Variants in ARHGAP44 observed in about 807,000 individuals in gnomAD.
ARHGAP44 encodes Rho GTPase activating protein 44.
Under a neutral mutation model 106.8 loss-of-function variants are expected in ARHGAP44, and 43 were observed. That is an observed-to-expected ratio of 0.40 (90% CI 0.32 to 0.52). The LOEUF (loss-of-function observed/expected upper bound fraction) is 0.52. ARHGAP44 is among the 20% of genes least tolerant of loss of function. The pLI is 0.48. For synonymous variants in ARHGAP44, 439 were observed against 410.3 expected (o/e 1.07, Z -0.85); for missense variants, 866 against 1,050.5 (o/e 0.82, Z 2.43).
chr17:12,847,192 C>T (rs1009245392), intron 1 of ARHGAP44, among the ~76,000 whole-genome samples: 1 of 152,104 alleles, frequency 6.6e-6, no homozygotes, highest in Non-Finnish European at 1.5e-5. Flanking sequence ...TTTTGCGTTG[C>T]TGATTGGGCC....
intron 4 of ARHGAP44, among the ~76,000 whole-genome samples, chr17:12,912,990 G>C (rs2037786050): frequency 6.6e-6 from 1 of 152,198 alleles, no homozygotes; most frequent in African/African-American, 2.4e-5. Flanking sequence ...ATACAAGACA[G>C]AGGAAGAGAA....
At chr17:12,907,823 A>G (rs937321211) in intron 3 of ARHGAP44, among the ~76,000 whole-genome samples, 3 of 152,146 alleles carry the variant, frequency 2.0e-5, no homozygotes, top group African/African-American at 7.2e-5. Context: ...TACTTTGGAT[A>G]TATACCCAGG....
intron 1 of ARHGAP44, among the ~76,000 whole-genome samples, chr17:12,885,327 GT>G (rs2036851098): frequency 3.0e-5 from 3 of 100,470 alleles, no homozygotes; most frequent in African/African-American, 2.5e-4. Context: ...CAGAGTAGGT[GT>G]GTGTGTGTGT....
intron 1 of ARHGAP44, among the ~76,000 whole-genome samples, chr17:12,848,862 C>T (rs1159183691): frequency 6.6e-6 from 1 of 152,040 alleles, no homozygotes; most frequent in Admixed American, 6.6e-5. Flanking sequence ...GCCTGACCAA[C>T]ATGGAGAAAC....
chr17:12,925,607 C>G (rs938589991), intron 6 of ARHGAP44, among the ~76,000 whole-genome samples: 1 of 152,212 alleles, frequency 6.6e-6, no homozygotes, highest in Non-Finnish European at 1.5e-5. Context: ...TCTCATCTCT[C>G]CCAAGGCTTC....
intron 20 of ARHGAP44, chr17:12,987,038 TGTG>T: frequency 8.4e-7 from 1 of 1,191,244 alleles, no homozygotes; most frequent in South Asian, 1.7e-5. Flanking sequence ...TTTTTTTTTT[TGTG>T]ACGTTCATGT....
At chr17:12,836,515 G>A (rs1461275859) in intron 1 of ARHGAP44, among the ~76,000 whole-genome samples, 3 of 152,038 alleles carry the variant, frequency 2.0e-5, no homozygotes, top group Non-Finnish European at 2.9e-5. Flanking sequence ...GGGCATGGTG[G>A]CACATGCCTG....
intron 19 of ARHGAP44, among the ~76,000 whole-genome samples, chr17:12,983,830 A>T (rs2039891815): frequency 6.6e-6 from 1 of 152,080 alleles, no homozygotes; most frequent in South Asian, 2.1e-4. Flanking sequence ...CAACAAAAAA[A>T]CCCCAGAAAA....
chr17:12,881,726 C>G (rs1336026047), intron 1 of ARHGAP44, among the ~76,000 whole-genome samples: 1 of 152,148 alleles, frequency 6.6e-6, no homozygotes, highest in Non-Finnish European at 1.5e-5. Flanking sequence ...GACAGGATCT[C>G]TCTGTTGCCC....
At chr17:12,984,962 C>T (rs1284902943) in intron 20 of ARHGAP44, 54 bp downstream of exon 20, 10 of 1,541,710 alleles carry the variant, frequency 6.5e-6, no homozygotes, top group Non-Finnish European at 8.7e-6. Flanking sequence ...GTGAAATGTG[C>T]CTAGGGGAGG....
chr17:12,913,059 A>G (rs1408255999), intron 4 of ARHGAP44, among the ~76,000 whole-genome samples: 3 of 152,210 alleles, frequency 2.0e-5, no homozygotes, highest in African/African-American at 7.2e-5. Context: ...GGATACAGGA[A>G]AACTCAATCC....
rs58315621 is a variant in ARHGAP44, at chr17:12,990,930, G to A, written c.*759G>A. The A allele has an allele frequency of 2.6e-5, 4 of 152,528 alleles. No individual in the cohort carries two copies. Among genetic ancestry groups the A allele is most frequent in the Admixed American group, 6.5e-5 (1 of 15,278 alleles). The allele number at this position is 152,528 out of a possible 1,614,324, so 9.4% of individuals were successfully genotyped here. A position where few individuals can be genotyped will look rare whatever the true frequency, so the allele number is the denominator to read the frequency against. On this transcript the variant is annotated 3_prime_UTR_variant, in exon 21 of 21. Transcript: ENST00000379672. ...TGGCCTCCCTGTCCCCAAATATATT[G>A]GCTATATGAGAGTAATTTTACCCCT...
chr17:12,890,326 A>C (rs945058111), intron 1 of ARHGAP44, among the ~76,000 whole-genome samples: 3 of 152,170 alleles, frequency 2.0e-5, no homozygotes, highest in African/African-American at 7.2e-5. Flanking sequence ...GTCTCCAAAA[A>C]TGTATACCTC....
At chr17:12,939,095 G>A (rs2038633887) in intron 7 of ARHGAP44, among the ~76,000 whole-genome samples, 1 of 152,174 alleles carries the variant, frequency 6.6e-6, no homozygotes, top group Non-Finnish European at 1.5e-5. Flanking sequence ...TATCTCCTGA[G>A]CAAAGCTGCT....
At chr17:12,950,690 A>G (rs1395782748) in intron 12 of ARHGAP44, among the ~76,000 whole-genome samples, 7 of 152,142 alleles carry the variant, frequency 4.6e-5, no homozygotes, top group African/African-American at 9.7e-5. Flanking sequence ...CAGCACAAAG[A>G]TGATGGAGAC....
chr17:12,828,525 A>C (rs1181641691), intron 1 of ARHGAP44, among the ~76,000 whole-genome samples: 1 of 151,926 alleles, frequency 6.6e-6, no homozygotes, highest in East Asian at 1.9e-4. Context: ...AGGCTGTTAC[A>C]TTGAATCATC....
intron 6 of ARHGAP44, among the ~76,000 whole-genome samples, chr17:12,925,140 G>A (rs111637142): frequency 3.3e-5 from 5 of 152,100 alleles, no homozygotes; most frequent in Non-Finnish European, 5.9e-5. Context: ...ACTGGATGTC[G>A]CATGGGCTCA....
intron 1 of ARHGAP44, among the ~76,000 whole-genome samples, chr17:12,834,938 A>C (rs2035192848): frequency 6.6e-6 from 1 of 152,238 alleles, no homozygotes; most frequent in Non-Finnish European, 1.5e-5. Flanking sequence ...TACTCTAATC[A>C]TTGCAAGTTT....
At chr17:12,911,580 A>C (rs1043615931) in intron 4 of ARHGAP44, among the ~76,000 whole-genome samples, 14 of 152,058 alleles carry the variant, frequency 9.2e-5, no homozygotes, top group Non-Finnish European at 1.9e-4. Flanking sequence ...GGGTGATTAA[A>C]CTCACGAATG....
Sources: gnomAD v4.1 joint callset for allele counts (sites outside exome capture counted in the v4.1 genomes callset) on GRCh38, gnomAD v4.1.1 for gene constraint, MANE v1.5 for transcripts, NCBI Gene and HGNC (gene_info 2026-07-23, HGNC 2026-07-21) for gene names.